Variants in DCAF5 observed in about 807,000 individuals in gnomAD.
DCAF5 encodes the protein DDB1- and CUL4-associated factor 5.
A neutral mutation model predicts 80.7 loss-of-function variants in DCAF5; 9 were observed. The observed-to-expected ratio is 0.11, with a 90% CI of 0.07 to 0.19. The LOEUF is 0.19. Ranked by LOEUF, DCAF5 falls within the 10% of genes least tolerant of loss-of-function variation. The pLI is 1.00. For missense variants in DCAF5, 842 were observed against 1,205.7 expected, an observed-to-expected ratio of 0.70 and a Z score of 4.47; for synonymous variants, 433 against 461.9, an observed-to-expected ratio of 0.94 and a Z score of 0.80.
intron 5 of DCAF5, among the ~76,000 whole-genome samples, chr14:69,110,876 CAAAAAAAAAA>C (rs35812611): frequency 4.4e-5 from 2 of 45,502 alleles, no homozygotes; most frequent in Non-Finnish European, 7.5e-5. Flanking sequence ...GACCCTGTCT[CAAAAAAAAAA>C]AAAAAAAAAA....
chr14:69,124,174 T>G (rs1231691796), intron 1 of DCAF5, among the ~76,000 whole-genome samples: 1 of 152,222 alleles, frequency 6.6e-6, no homozygotes, highest in African/African-American at 2.4e-5. Flanking sequence ...TAAGGCTGAA[T>G]AGTATTCCAT....
intron 5 of DCAF5, among the ~76,000 whole-genome samples, chr14:69,099,254 A>G (rs1182540283): frequency 1.9e-5 from 1 of 52,306 alleles, no homozygotes. Flanking sequence ...CTGTCTCAAC[A>G]CACACACACA....
Position 69,053,237 on chromosome 14 carries a change from A to G in DCAF5, c.*620T>C, listed in dbSNP as rs2037818239. The G allele has an allele frequency of 6.6e-6, 1 of 152,320 alleles. No homozygotes were observed. The highest frequency in any genetic ancestry group is 2.1e-4 in the South Asian group (1 of 4,838). 9.4% of individuals were successfully genotyped at this position (152,320 alleles called of 1,614,324 possible). Reference sequence around the variant, plus strand: ...TATAGTATGTCCACATTAAATGCTCAATAAAGAAGTGTTACTTAGAGAAAA... The same window carrying G: ...TATAGTATGTCCACATTAAATGCTCGATAAAGAAGTGTTACTTAGAGAAAA... On this transcript the variant is annotated 3_prime_UTR_variant, in exon 9 of 9. Coordinates refer to ENST00000341516, the MANE Select transcript of DCAF5 (RefSeq NM_003861.3).
At chr14:69,126,053 A>G (rs770886104) in intron 1 of DCAF5, among the ~76,000 whole-genome samples, 2 of 152,188 alleles carry the variant, frequency 1.3e-5, no homozygotes, top group African/African-American at 2.4e-5. Context: ...GAAATATAAA[A>G]TATTTAGGTA....
chr14:69,143,167 C>CA (rs1285730915), intron 1 of DCAF5, among the ~76,000 whole-genome samples: 1 of 152,102 alleles, frequency 6.6e-6, no homozygotes, highest in Non-Finnish European at 1.5e-5. Context: ...TTCCACCCGT[C>CA]ATCCTCCACT....
At chr14:69,062,557 AAGTAAATAGGTTCC>A (rs772576745) in intron 7 of DCAF5, 46 bp from the exon 8 acceptor site, 5 of 1,605,142 alleles carry the variant, frequency 3.1e-6, no homozygotes, top group Non-Finnish European at 4.3e-6. Context: ...AAATGAATGA[AAGTAAATAGGTTCC>A]AGTAATGGCA....
At chr14:69,083,390 T>C in intron 6 of DCAF5, 1 of 273,852 alleles carries the variant, frequency 3.7e-6, no homozygotes, top group South Asian at 4.6e-5. Context: ...AGACACTGCT[T>C]GGACAGGATG....
At chr14:69,089,445 T>C (rs2039455936) in intron 6 of DCAF5, 1 of 152,134 alleles carries the variant, frequency 6.6e-6, no homozygotes, top group South Asian at 2.1e-4. Flanking sequence ...GAAAACCACT[T>C]ACCCCAGCCA....
chr14:69,122,090 G>T, intron 2 of DCAF5, 127 bp downstream of exon 2: 2 of 1,127,950 alleles, frequency 1.8e-6, no homozygotes, highest in South Asian at 1.6e-5. Flanking sequence ...GAAAAGACAA[G>T]CTATGAGAAA....
At chr14:69,102,796 C>CT (rs1366933022) in intron 5 of DCAF5, among the ~76,000 whole-genome samples, 2 of 152,064 alleles carry the variant, frequency 1.3e-5, no homozygotes, top group East Asian at 1.9e-4. Context: ...TTACAGTAAA[C>CT]TTTTTTTAAT....
intron 6 of DCAF5, chr14:69,084,927 GC>G: frequency 7.0e-7 from 1 of 1,427,876 alleles, no homozygotes. Flanking sequence ...GGGTAGAACA[GC>G]CAGAGACCTA....
intron 5 of DCAF5, among the ~76,000 whole-genome samples, chr14:69,104,769 A>T (rs1409944116): frequency 6.6e-6 from 1 of 152,076 alleles, no homozygotes. Context: ...AGGCAGGAGA[A>T]TCGCTTGAAC....
In DCAF5 at chr14:69,054,502, G is replaced by A; in HGVS notation, c.2184C>T (p.Cys728=). ...TCTCTTCTTTAAAAGTGTCCTTGCTGCAGCCTTCAGGTGGCAGGTCCTGGT... is the reference window on the plus strand; with the variant it reads ...TCTCTTCTTTAAAAGTGTCCTTGCTACAGCCTTCAGGTGGCAGGTCCTGGT... ...QRNQDLPPEG[C]SKDTFKEETP... The change falls in exon 9 of 9, where the codon TGC becomes TGT. Residue 728 remains cysteine, a synonymous_variant. Transcript: ENST00000341516. The A allele has an allele frequency of 6.2e-7, 1 of 1,614,142 alleles. No individual in the cohort carries two copies. The highest frequency in any genetic ancestry group is 8.5e-7 in the Non-Finnish European group (1 of 1,180,006).
intron 6 of DCAF5, among the ~76,000 whole-genome samples, chr14:69,079,809 G>A (rs1461368169): frequency 6.6e-6 from 1 of 151,872 alleles, no homozygotes; most frequent in African/African-American, 2.4e-5. Flanking sequence ...TATAATGTGG[G>A]TAGAGCAAAA....
At chr14:69,093,220 T>C (rs1227935686) in intron 5 of DCAF5, among the ~76,000 whole-genome samples, 1 of 152,222 alleles carries the variant, frequency 6.6e-6, no homozygotes, top group Non-Finnish European at 1.5e-5. Context: ...GAGCACTGAA[T>C]TACTGGCAGG....
At chr14:69,105,928 T>TATATATATATATATATATATAG (rs2040132055) in intron 5 of DCAF5, among the ~76,000 whole-genome samples, 1 of 82,676 alleles carries the variant, frequency 1.2e-5, no homozygotes, top group Admixed American at 1.2e-4. Context: ...TATATATATA[T>TATATATATATATATATATATAG]ATATATATAT....
At chr14:69,081,079 AAAAT>A (rs2039082591) in intron 6 of DCAF5, among the ~76,000 whole-genome samples, 1 of 152,172 alleles carries the variant, frequency 6.6e-6, no homozygotes. Flanking sequence ...AATATAAGAA[AAAAT>A]AAAAAACAAA....
intron 1 of DCAF5, among the ~76,000 whole-genome samples, chr14:69,123,501 T>A (rs2040787518): frequency 6.6e-6 from 1 of 152,218 alleles, no homozygotes; most frequent in African/African-American, 2.4e-5. Flanking sequence ...GTTGGGAGAC[T>A]TTTTATGGTG....
In DCAF5 at chr14:69,055,157, T is replaced by C. The variant is rs1482978495; in HGVS notation, c.1529A>G (p.Gln510Arg). ...GCGCCGCAGAGCAGACAGACGCTGC[T>C]GGCGAGAGGCTGCATCCTCACACGT... ...TPTCEDAASR[Q>R]QRLSALRRYQ... Residue 510 changes from glutamine to arginine, a missense_variant, in exon 9 of 9, where the codon CAG becomes CGG. Gln to Arg is a conservative substitution (Grantham distance 43). Transcript: ENST00000341516. The surrounding 1 kb of genome is among the most constrained non-coding windows in gnomAD (Gnocchi z 5.6). The C allele has an allele frequency of 6.2e-7, 1 of 1,614,116 alleles. No homozygotes were observed. Among genetic ancestry groups the C allele is most frequent in the Non-Finnish European group, 8.5e-7 (1 of 1,180,046 alleles).
Sources: gnomAD v4.1 joint callset for allele counts (sites outside exome capture counted in the v4.1 genomes callset) on GRCh38, gnomAD v4.1.1 for gene constraint, Gnocchi (gnomAD v3.1) non-coding constraint, MANE v1.5 for transcripts, NCBI Gene and HGNC (gene_info 2026-07-23, HGNC 2026-07-21) for gene names.